SPOCK3: variants seen among roughly 807,000 people sequenced by gnomAD.
The protein encoded by SPOCK3 is testican-3.
In SPOCK3, 30 loss-of-function variants were observed where a neutral mutation model predicts 56.6. The observed-to-expected ratio is 0.53, with a 90% CI of 0.40 to 0.72. SPOCK3 has a LOEUF of 0.72. Ranked by LOEUF, SPOCK3 falls within the 30% of genes least tolerant of loss-of-function variation. SPOCK3 has a pLI of 0.00. For missense variants in SPOCK3, 527 were observed against 530.0 expected, an observed-to-expected ratio of 0.99 and a Z score of 0.06; for synonymous variants, 196 against 183.3, an observed-to-expected ratio of 1.07 and a Z score of -0.56.
intron 7 of SPOCK3, among the ~76,000 whole-genome samples, chr4:166,773,693 G>A (rs1021907044): frequency 1.3e-5 from 2 of 151,918 alleles, no homozygotes; most frequent in Admixed American, 6.6e-5. Context: ...AGCTCTTTAT[G>A]GGTGCTGATT....
intron 6 of SPOCK3, among the ~76,000 whole-genome samples, chr4:166,797,502 C>A (rs972075554): frequency 6.6e-6 from 1 of 151,800 alleles, no homozygotes; most frequent in Admixed American, 6.6e-5. Context: ...ATCTCTATTT[C>A]CTTTTCCTAG....
chr4:166,937,727 G>A (rs1740580903), intron 4 of SPOCK3, among the ~76,000 whole-genome samples: 1 of 147,774 alleles, frequency 6.8e-6, no homozygotes, highest in Non-Finnish European at 1.5e-5. Flanking sequence ...AGTAATGTGA[G>A]ATTATATATA....
chr4:166,961,747 CAAAA>C (rs1371175135), intron 4 of SPOCK3, among the ~76,000 whole-genome samples: 2 of 152,020 alleles, frequency 1.3e-5, no homozygotes, highest in Admixed American at 1.3e-4. Context: ...ATCAAACAAA[CAAAA>C]AAGTCAAAAA....
At chr4:167,159,858 T>C (rs924169089) in intron 2 of SPOCK3, among the ~76,000 whole-genome samples, 79 of 152,210 alleles carry the variant, frequency 5.2e-4, no homozygotes, top group African/African-American at 1.8e-3. Context: ...TGCTAAAAAC[T>C]CTCAATAAAT....
At chr4:167,091,862 G>C (rs1005642702) in intron 2 of SPOCK3, among the ~76,000 whole-genome samples, 2 of 152,094 alleles carry the variant, frequency 1.3e-5, no homozygotes, top group African/African-American at 4.8e-5. Flanking sequence ...ATGAAATTAT[G>C]TAAGTTTTTC....
At chr4:167,148,318 A>T (rs2150411367) in intron 2 of SPOCK3, among the ~76,000 whole-genome samples, 1 of 152,264 alleles carries the variant, frequency 6.6e-6, no homozygotes, top group Admixed American at 6.5e-5. Flanking sequence ...TTATTCAGCC[A>T]AATATGTCAG....
intron 4 of SPOCK3, among the ~76,000 whole-genome samples, chr4:166,944,419 G>A (rs1259621223): frequency 6.6e-6 from 1 of 151,980 alleles, no homozygotes; most frequent in Non-Finnish European, 1.5e-5. Context: ...TCTGCTCATT[G>A]TCCCGATAAT....
rs530405529 is a variant in SPOCK3 at position 166,950,002 on chromosome 4, C to T, written c.351-37259G>A. On this transcript the variant is annotated intron_variant, in intron 4 of 10. Transcript: ENST00000357545. ...AATCATGCCAAAATGTAAAGACCAT[C>T]GAGACTAGGAAGAAACTGCATCAAC... Among the ~76,000 whole-genome samples the T allele has an allele frequency of 4.4e-3, 667 of 150,942 alleles. 40 individuals carry two copies. The highest frequency in any genetic ancestry group is 0.015 in the African/African-American group (597 of 40,398).
chr4:166,765,812 T>C (rs189399422), intron 7 of SPOCK3, among the ~76,000 whole-genome samples: 29 of 152,346 alleles, frequency 1.9e-4, no homozygotes, highest in African/African-American at 6.7e-4. Context: ...ATTCTTCCTA[T>C]CCATGAGCAT....
chr4:166,909,146 C>A (rs565133657), intron 5 of SPOCK3, among the ~76,000 whole-genome samples: 1 of 151,952 alleles, frequency 6.6e-6, no homozygotes, highest in African/African-American at 2.4e-5. Flanking sequence ...CCTATTTATC[C>A]ATAGTTCCTC....
chr4:166,753,702 A>G (rs1365703311), intron 8 of SPOCK3, among the ~76,000 whole-genome samples: 1 of 152,096 alleles, frequency 6.6e-6, no homozygotes, highest in Non-Finnish European at 1.5e-5. Context: ...CATTGACAAC[A>G]GCAGGCTTTA....
At chr4:167,068,526 A>T (rs1756378591) in intron 2 of SPOCK3, among the ~76,000 whole-genome samples, 1 of 151,722 alleles carries the variant, frequency 6.6e-6, no homozygotes, top group Admixed American at 6.6e-5. Flanking sequence ...TGTAAAAATA[A>T]AAATTTTGAA....
chr4:166,767,923 G>A (rs74798630), intron 7 of SPOCK3, among the ~76,000 whole-genome samples: 1 of 152,114 alleles, frequency 6.6e-6, no homozygotes, highest in East Asian at 1.9e-4. Flanking sequence ...TTGTTGAATT[G>A]ATGCCTTTAC....
intron 4 of SPOCK3, among the ~76,000 whole-genome samples, chr4:166,974,787 C>T (rs1745765129): frequency 6.6e-6 from 1 of 152,158 alleles, no homozygotes; most frequent in Non-Finnish European, 1.5e-5. Flanking sequence ...TGTCTACAGA[C>T]ATGGTTTTGT....
chr4:167,231,589 A>G (rs1737186378), intron 2 of SPOCK3, among the ~76,000 whole-genome samples: 1 of 152,144 alleles, frequency 6.6e-6, no homozygotes, highest in Non-Finnish European at 1.5e-5. Flanking sequence ...CCTTATCGCC[A>G]TGTGCTTCCA....
At chr4:167,146,152 G>A (rs1420270873) in intron 2 of SPOCK3, among the ~76,000 whole-genome samples, 1 of 152,078 alleles carries the variant, frequency 6.6e-6, no homozygotes, top group Non-Finnish European at 1.5e-5. Context: ...AAAAGCAGGG[G>A]TTGCAACCCT....
chr4:167,036,279 T>C (rs956782137), intron 3 of SPOCK3, among the ~76,000 whole-genome samples: 1 of 152,178 alleles, frequency 6.6e-6, no homozygotes, highest in Admixed American at 6.5e-5. Flanking sequence ...ACAGTGCCCT[T>C]ATCTGCGTTT....
chr4:167,181,831 T>C (rs1731485038), intron 2 of SPOCK3, among the ~76,000 whole-genome samples: 1 of 152,168 alleles, frequency 6.6e-6, no homozygotes. Context: ...ACTAATTTTA[T>C]CTGCTATATT....
intron 2 of SPOCK3, among the ~76,000 whole-genome samples, chr4:167,074,427 G>A (rs1756985285): frequency 6.6e-6 from 1 of 151,860 alleles, no homozygotes; most frequent in South Asian, 2.1e-4. Flanking sequence ...TTTGGGGGCA[G>A]GATTTGTTCC....
Sources: gnomAD v4.1 joint callset for allele counts (sites outside exome capture counted in the v4.1 genomes callset) on GRCh38, gnomAD v4.1.1 for gene constraint, MANE v1.5 for transcripts, NCBI Gene and HGNC (gene_info 2026-07-23, HGNC 2026-07-21) for gene names.